The following GLIS1 variants were observed in gnomAD, a reference collection of about 807,000 sequenced individuals.
The protein encoded by GLIS1 is zinc finger protein GLIS1.
GLIS1 carries 24 observed loss-of-function variants against 63.8 expected under a neutral mutation model. That is an observed-to-expected ratio of 0.38 (90% CI 0.27 to 0.53). The LOEUF (loss-of-function observed/expected upper bound fraction) is 0.53. Ranked by LOEUF, GLIS1 falls within the 20% of genes least tolerant of loss-of-function variation. The pLI, the probability that GLIS1 is intolerant of heterozygous loss-of-function variation, is 0.85. For missense variants in GLIS1, 1,036 were observed against 1,074.1 expected (o/e 0.96, Z 0.50); for synonymous variants, 450 against 482.5 (o/e 0.93, Z 0.88).
In GLIS1 at chr1:53,643,579, G is replaced by A. The variant is rs7554958; in HGVS notation, c.260-43301C>T. Among the ~76,000 whole-genome samples the A allele has an allele frequency of 9.5e-3, 1,451 of 152,280 alleles. 14 individuals are homozygous for A. Among genetic ancestry groups the A allele is most frequent in the African/African-American group, 0.033 (1,387 of 41,554 alleles). On this transcript the variant is annotated intron_variant, in intron 2 of 10. Coordinates refer to ENST00000628545, the MANE Select transcript of GLIS1 (RefSeq NM_001367484.1). ...GGCAGACTCAGTGCTAGTAACCAAG[G>A]TCACAGCATAACACGGCAACTATAG...
At chr1:53,717,535 A>G (rs1245777052) in intron 2 of GLIS1, among the ~76,000 whole-genome samples, 1 of 152,130 alleles carries the variant, frequency 6.6e-6, no homozygotes, top group African/African-American at 2.4e-5. Context: ...TCTACGGGGA[A>G]AATTACTCAC....
intron 2 of GLIS1, among the ~76,000 whole-genome samples, chr1:53,730,295 G>A (rs933193380): frequency 3.3e-5 from 5 of 152,118 alleles, no homozygotes; most frequent in African/African-American, 7.2e-5. Flanking sequence ...CTGCCGGCAC[G>A]TGTAATTTAT....
At position 53,574,650 on chromosome 1, in the gene GLIS1, T is replaced by C. The variant is rs1019961394; in HGVS notation, c.1320+19458A>G. ...CCCTTTCTCTGCCTGGAGAGGCTGGTGGGTCATGATGTCTGCTGGTCCCCA... is the reference window on the plus strand; with the variant it reads ...CCCTTTCTCTGCCTGGAGAGGCTGGCGGGTCATGATGTCTGCTGGTCCCCA... On this transcript the variant is annotated intron_variant, in intron 4 of 10. Transcript: ENST00000628545. The surrounding 1 kb of genome is among the most constrained non-coding windows in gnomAD (Gnocchi z 4.2). 9.2e-5 allele frequency among the ~76,000 whole-genome samples: 14 copies of C among 152,268 alleles called. No individual in the cohort carries two copies. The highest frequency in any genetic ancestry group is 3.1e-4 in the African/African-American group (13 of 41,540).
chr1:53,519,555 T>C (rs957509961), intron 7 of GLIS1, among the ~76,000 whole-genome samples: 5 of 152,156 alleles, frequency 3.3e-5, no homozygotes, highest in Non-Finnish European at 1.5e-5. Context: ...GCGCAAGGAC[T>C]GTCAGCTGGA....
chr1:53,545,164 G>C (rs1204783411), intron 4 of GLIS1, among the ~76,000 whole-genome samples: 1 of 152,164 alleles, frequency 6.6e-6, no homozygotes, highest in Non-Finnish European at 1.5e-5. Context: ...TGTCTGCATT[G>C]CCAGGGAGGT....
chr1:53,571,737 C>T (rs1029467173), intron 4 of GLIS1, among the ~76,000 whole-genome samples: 1 of 152,124 alleles, frequency 6.6e-6, no homozygotes, highest in Non-Finnish European at 1.5e-5. Context: ...CCACCATGCC[C>T]GGCTAATTTT....
chr1:53,684,783 C>T (rs1444904210), intron 2 of GLIS1, among the ~76,000 whole-genome samples: 1 of 152,234 alleles, frequency 6.6e-6, no homozygotes, highest in Non-Finnish European at 1.5e-5. Flanking sequence ...CCCAGCACCC[C>T]TACCCCATGA....
chr1:53,548,507 C>A (rs529467818), intron 4 of GLIS1, among the ~76,000 whole-genome samples: 9 of 152,336 alleles, frequency 5.9e-5, no homozygotes, highest in African/African-American at 2.2e-4. Flanking sequence ...CAGGGTTATC[C>A]CTGCTCGCAT....
At chr1:53,729,572 C>A (rs556223585) in intron 2 of GLIS1, among the ~76,000 whole-genome samples, 1 of 148,070 alleles carries the variant, frequency 6.8e-6, no homozygotes, top group South Asian at 2.1e-4. Context: ...GCCACTTAAT[C>A]CATCAGCACA....
At position 53,526,093 on chromosome 1, in the gene GLIS1, G is replaced by A. The variant is rs963251947; in HGVS notation, c.1483-1206C>T. On this transcript the variant is annotated intron_variant, in intron 5 of 10. Transcript: ENST00000628545. The surrounding 1 kb of genome is among the most constrained non-coding windows in gnomAD (Gnocchi z 4.4). Reference sequence around the variant, plus strand: ...CTTTGCGGACACGTCTAGTGCTTCCGCTCTCTTAGAAGCCTCTGCCCTGCT... The same window carrying A: ...CTTTGCGGACACGTCTAGTGCTTCCACTCTCTTAGAAGCCTCTGCCCTGCT... 7.9e-5 allele frequency among the ~76,000 whole-genome samples: 12 copies of A among 152,148 alleles called. No individual in the cohort carries two copies. Among genetic ancestry groups the A allele is most frequent in the African/African-American group, 2.7e-4 (11 of 41,408 alleles).
chr1:53,658,348 T>C (rs1002592040), intron 2 of GLIS1, among the ~76,000 whole-genome samples: 1 of 152,232 alleles, frequency 6.6e-6, no homozygotes, highest in Non-Finnish European at 1.5e-5. Flanking sequence ...CTGATTTGTC[T>C]GCCCTGTGCT....
intron 4 of GLIS1, among the ~76,000 whole-genome samples, 183 bp downstream of exon 4, chr1:53,593,925 G>A (rs1645219167): frequency 2.0e-5 from 3 of 152,244 alleles, no homozygotes; most frequent in Admixed American, 6.5e-5. Flanking sequence ...GGTTCCCAGT[G>A]ACAGGGGCAC....
At chr1:53,677,843 G>A (rs967258476) in intron 2 of GLIS1, among the ~76,000 whole-genome samples, 1 of 152,232 alleles carries the variant, frequency 6.6e-6, no homozygotes, top group African/African-American at 2.4e-5. Context: ...TAAGGGAGGA[G>A]CACAGTCTCT....
chr1:53,601,380 C>T (rs1645316362), intron 2 of GLIS1, among the ~76,000 whole-genome samples: 1 of 152,152 alleles, frequency 6.6e-6, no homozygotes, highest in African/African-American at 2.4e-5. Flanking sequence ...TTACAAAGTG[C>T]CTTGCAGATA....
rs747316815 is a variant in GLIS1 at position 53,529,821 on chromosome 1, G to A, written c.1452C>T (p.Arg484=). The change falls in exon 5 of 11, where the codon CGC becomes CGT. Residue 484 remains arginine (R), a synonymous_variant. Coordinates refer to ENST00000628545, the MANE Select transcript of GLIS1 (RefSeq NM_001367484.1). ...CTAGGTGGGTGCGCTGGTGCTTGGC[G>A]CGGTCGCTGGAGTTGCTGAAGGCCT... ...CQKAFSNSSD[R]AKHQRTHLDT... The A allele has an allele frequency of 4.3e-5, 69 of 1,613,160 alleles. No homozygotes were observed. Among genetic ancestry groups the A allele is most frequent in the Admixed American group, 5.0e-5 (3 of 60,000 alleles).
chr1:53,527,800 C>T (rs773547957), intron 5 of GLIS1, among the ~76,000 whole-genome samples: 6 of 151,932 alleles, frequency 3.9e-5, no homozygotes, highest in Non-Finnish European at 8.8e-5. Flanking sequence ...CTGGGCTTGG[C>T]GGCTGCACTT....
intron 4 of GLIS1, among the ~76,000 whole-genome samples, chr1:53,553,464 C>T (rs1246257938): frequency 6.6e-6 from 1 of 152,174 alleles, no homozygotes; most frequent in Admixed American, 6.5e-5. Context: ...AGCTAAGCAT[C>T]ATTCTAGCTG....
At chr1:53,615,874 G>A (rs962245848) in intron 2 of GLIS1, among the ~76,000 whole-genome samples, 2 of 151,820 alleles carry the variant, frequency 1.3e-5, no homozygotes, top group African/African-American at 2.4e-5. Context: ...TCAGCCTTCC[G>A]AGTAGTTGGG....
chr1:53,525,725 G>C (rs929269181), intron 5 of GLIS1, among the ~76,000 whole-genome samples: 20 of 151,840 alleles, frequency 1.3e-4, no homozygotes, highest in African/African-American at 3.1e-4. Context: ...GCTCCCTGGT[G>C]CCCTACAGGC....
Sources: gnomAD v4.1 joint callset for allele counts (sites outside exome capture counted in the v4.1 genomes callset) on GRCh38, gnomAD v4.1.1 for gene constraint, Gnocchi (gnomAD v3.1) non-coding constraint, MANE v1.5 for transcripts, NCBI Gene and HGNC (gene_info 2026-07-23, HGNC 2026-07-21) for gene names.